Variants in FREM2 observed in about 807,000 individuals in gnomAD.
FREM2 encodes FRAS1-related extracellular matrix protein 2.
A neutral mutation model predicts 219.9 loss-of-function variants in FREM2; 119 were observed. The ratio of observed to expected loss-of-function variants is 0.54; its 90% CI spans 0.47 to 0.63. The LOEUF (loss-of-function observed/expected upper bound fraction) is 0.63, where lower values mean the gene tolerates loss of function less well. Among genes scored for constraint, FREM2 ranks in the 30% least tolerant of loss-of-function variants. The pLI, the probability that FREM2 is intolerant of heterozygous loss-of-function variation, is 0.00. For missense variants in FREM2, 4,030 were observed against 3,993.6 expected, an observed-to-expected ratio of 1.01 and a Z score of -0.25; for synonymous variants, 1,562 against 1,522.8, an observed-to-expected ratio of 1.03 and a Z score of -0.60.
rs764655514 is a variant in FREM2 at position 38,688,354 on chromosome 13, C to T, written c.1010C>T (p.Ala337Val). Residue 337 changes from alanine (A) to valine (V), a missense_variant, in exon 1 of 24, where the codon GCC (alanine) becomes GTC (valine). Ala to Val is a moderately conservative substitution (Grantham distance 64). Transcript: ENST00000280481. ...MMEVDQFVLT[A>V]LTPDMLAAED... Reference sequence around the variant, plus strand: ...GAGGTGGACCAGTTTGTACTGACGGCCCTGACCCCAGACATGCTGGCAGCC... The same window carrying T: ...GAGGTGGACCAGTTTGTACTGACGGTCCTGACCCCAGACATGCTGGCAGCC... The T allele has an allele frequency of 4.3e-6, 7 of 1,614,170 alleles. No individual in the cohort carries two copies. The highest frequency in any genetic ancestry group is 1.7e-5 in the Admixed American group (1 of 60,030).
intron 6 of FREM2, among the ~76,000 whole-genome samples, chr13:38,788,732 C>T (rs933297388): frequency 6.6e-6 from 1 of 152,036 alleles, no homozygotes; most frequent in Non-Finnish European, 1.5e-5. Flanking sequence ...GTAGAGCAGG[C>T]ATTTTTGTCT....
At chr13:38,819,731 A>G (rs1013268646) in intron 6 of FREM2, among the ~76,000 whole-genome samples, 3 of 152,168 alleles carry the variant, frequency 2.0e-5, no homozygotes, top group Admixed American at 2.0e-4. Flanking sequence ...ACACATATGC[A>G]CATACACAAA....
chr13:38,759,312 G>A (rs974094247), intron 2 of FREM2, among the ~76,000 whole-genome samples: 1 of 151,990 alleles, frequency 6.6e-6, no homozygotes, highest in Non-Finnish European at 1.5e-5. Flanking sequence ...GAATGGACAC[G>A]TCCCCTTTAT....
intron 6 of FREM2, among the ~76,000 whole-genome samples, chr13:38,809,260 C>G (rs1451262194): frequency 6.7e-6 from 1 of 149,694 alleles, no homozygotes; most frequent in African/African-American, 2.4e-5. Flanking sequence ...TATATATCTA[C>G]TTGGGGAGTT....
Position 38,886,961 on chromosome 13 carries a change from G to C in FREM2, c.*6174G>C, listed in dbSNP as rs1022058415. The C allele has an allele frequency of 1.3e-5, 2 of 152,104 alleles. No homozygotes were observed. Among genetic ancestry groups the C allele is most frequent in the African/African-American group, 4.8e-5 (2 of 41,408 alleles). 9.4% of individuals were successfully genotyped at this position (152,104 alleles called of 1,614,324 possible). ...ATTTACTAAGTTACTACATATTGGTGGATATTGACGTTTATTCCTGGGAAT... is the reference window on the plus strand; with the variant it reads ...ATTTACTAAGTTACTACATATTGGTCGATATTGACGTTTATTCCTGGGAAT... On this transcript the variant is annotated 3_prime_UTR_variant, in exon 24 of 24. Coordinates refer to ENST00000280481, the MANE Select transcript of FREM2 (RefSeq NM_207361.6).
intron 6 of FREM2, among the ~76,000 whole-genome samples, chr13:38,834,425 C>CTGGATAAAGT (rs1876632146): frequency 6.6e-6 from 1 of 151,224 alleles, no homozygotes; most frequent in Non-Finnish European, 1.5e-5. Context: ...CGTTGATGGA[C>CTGGATAAAGT]ATTTATAGTA....
chr13:38,871,934 AT>A (rs1220068331), intron 16 of FREM2, among the ~76,000 whole-genome samples: 1 of 152,198 alleles, frequency 6.6e-6, no homozygotes, highest in Non-Finnish European at 1.5e-5. Flanking sequence ...GATATTATAA[AT>A]GTTATATGTT....
chr13:38,775,377 G>T (rs1054317493), intron 4 of FREM2, among the ~76,000 whole-genome samples: 1 of 152,208 alleles, frequency 6.6e-6, no homozygotes, highest in South Asian at 2.1e-4. Context: ...TTCAACTTCA[G>T]TGAGAGTCAA....
chr13:38,726,672 T>G (rs963460719), intron 2 of FREM2, among the ~76,000 whole-genome samples: 1 of 152,154 alleles, frequency 6.6e-6, no homozygotes, highest in Non-Finnish European at 1.5e-5. Context: ...TATTATTTCT[T>G]TTTTGTTGTT....
At chr13:38,785,098 G>A (rs892284963) in intron 6 of FREM2, among the ~76,000 whole-genome samples, 6 of 152,158 alleles carry the variant, frequency 3.9e-5, no homozygotes, top group Non-Finnish European at 8.8e-5. Context: ...ATTTCATGGT[G>A]AAGAATTGAA....
At chr13:38,804,123 G>T (rs1346718367) in intron 6 of FREM2, among the ~76,000 whole-genome samples, 1 of 151,866 alleles carries the variant, frequency 6.6e-6, no homozygotes, top group Admixed American at 6.6e-5. Flanking sequence ...ACTTGAGTTA[G>T]AACAAAATGA....
At chr13:38,697,121 T>C (rs911120292) in intron 1 of FREM2, among the ~76,000 whole-genome samples, 1 of 152,178 alleles carries the variant, frequency 6.6e-6, no homozygotes, top group Non-Finnish European at 1.5e-5. Context: ...TTATTAGATG[T>C]TTTTTGTTCT....
chr13:38,720,927 T>G (rs1871213005), intron 2 of FREM2, among the ~76,000 whole-genome samples: 1 of 152,192 alleles, frequency 6.6e-6, no homozygotes, highest in Non-Finnish European at 1.5e-5. Flanking sequence ...TTCAGGATAT[T>G]ATCAGAAGTG....
At chr13:38,753,554 A>C (rs1593385839) in intron 2 of FREM2, among the ~76,000 whole-genome samples, 1 of 152,224 alleles carries the variant, frequency 6.6e-6, no homozygotes, top group African/African-American at 2.4e-5. Context: ...TTGTGTTCTT[A>C]TTTAGAATAC....
At chr13:38,801,965 T>G (rs2137851722) in intron 6 of FREM2, among the ~76,000 whole-genome samples, 1 of 152,252 alleles carries the variant, frequency 6.6e-6, no homozygotes, top group East Asian at 1.9e-4. Context: ...TGGGTAGATG[T>G]CATCTGTGGT....
intron 6 of FREM2, among the ~76,000 whole-genome samples, chr13:38,840,180 C>A (rs66889481): frequency 3.3e-5 from 5 of 151,904 alleles, no homozygotes; most frequent in African/African-American, 1.2e-4. Context: ...ACGGCACAGT[C>A]CCTCATGGCT....
intron 6 of FREM2, among the ~76,000 whole-genome samples, chr13:38,804,235 C>T (rs1006606089): frequency 6.6e-6 from 1 of 151,632 alleles, no homozygotes; most frequent in Non-Finnish European, 1.5e-5. Flanking sequence ...TAACAATTCG[C>T]TGAAAGTCAG....
At chr13:38,698,384 A>G (rs530521916) in intron 2 of FREM2, among the ~76,000 whole-genome samples, 1 of 152,292 alleles carries the variant, frequency 6.6e-6, no homozygotes, top group South Asian at 2.1e-4. Flanking sequence ...ACTTCAGAGT[A>G]TAGGATGTGA....
intron 11 of FREM2, among the ~76,000 whole-genome samples, chr13:38,855,443 G>A (rs1173370199): frequency 6.6e-6 from 1 of 152,066 alleles, no homozygotes; most frequent in African/African-American, 2.4e-5. Context: ...AGAATAAGAG[G>A]TTAATTTTTC....
Sources: allele counts gnomAD v4.1 joint callset (sites outside exome capture counted in the v4.1 genomes callset), GRCh38; gene constraint gnomAD v4.1.1; transcripts MANE v1.5; gene names NCBI Gene and HGNC (gene_info 2026-07-23, HGNC 2026-07-21).